Variants in ANK2 observed in about 807,000 individuals in gnomAD.
ANK2 encodes the protein ankyrin-2.
In ANK2, 83 loss-of-function variants were observed where a neutral mutation model predicts 360.5. The observed-to-expected ratio is 0.23, with a 90% CI of 0.19 to 0.28. The LOEUF is 0.28. ANK2 is among the 10% of genes least tolerant of loss of function. ANK2 has a pLI of 1.00. For missense variants in ANK2, 4,201 were observed against 4,795.7 expected, an observed-to-expected ratio of 0.88 and a Z score of 3.66; for synonymous variants, 1,740 against 1,759.5, an observed-to-expected ratio of 0.99 and a Z score of 0.28.
intron 1 of ANK2, among the ~76,000 whole-genome samples, chr4:112,820,920 T>C (rs1375947516): frequency 1.3e-5 from 2 of 152,178 alleles, no homozygotes; most frequent in Non-Finnish European, 2.9e-5. Flanking sequence ...TTTATTTATT[T>C]ATTTTTTTGA....
the ANK2 span, among the ~76,000 whole-genome samples, chr4:112,805,591 T>C: frequency 6.6e-6 from 1 of 151,730 alleles, no homozygotes; most frequent in African/African-American, 2.4e-5. Flanking sequence ...TTTTTTTTTT[T>C]TTTTTTTTAA....
chr4:112,888,398 C>A (rs1036045456), intron 1 of ANK2, among the ~76,000 whole-genome samples: 2 of 152,024 alleles, frequency 1.3e-5, no homozygotes, highest in African/African-American at 4.8e-5. Context: ...ACTACTACAA[C>A]CTTTTAAAAA....
chr4:112,737,003 A>G, the ANK2 span, among the ~76,000 whole-genome samples: 1 of 152,198 alleles, frequency 6.6e-6, no homozygotes, highest in Non-Finnish European at 1.5e-5. Context: ...AAGTCCCTCT[A>G]GTGTTTTTAA....
At chr4:112,837,399 A>T (rs1016293108) in intron 1 of ANK2, among the ~76,000 whole-genome samples, 3 of 152,194 alleles carry the variant, frequency 2.0e-5, no homozygotes, top group African/African-American at 7.2e-5. Context: ...CTCATGGCGA[A>T]CCTCTGCTGG....
chr4:113,244,147 ATAAAT>A (rs2041544702), intron 9 of ANK2, among the ~76,000 whole-genome samples: 2 of 152,328 alleles, frequency 1.3e-5, no homozygotes, highest in East Asian at 3.9e-4. Flanking sequence ...GATACAGCAA[ATAAAT>A]TAAATTTCAT....
At chr4:112,728,310 A>G in the ANK2 span, among the ~76,000 whole-genome samples, 5 of 150,488 alleles carry the variant, frequency 3.3e-5, no homozygotes, top group Admixed American at 6.6e-5. Flanking sequence ...AAAAAAAAAA[A>G]AAAAAAAAAA....
At chr4:113,205,477 C>A in intron 4 of ANK2, among the ~76,000 whole-genome samples, 1 of 151,886 alleles carries the variant, frequency 6.6e-6, no homozygotes, top group East Asian at 1.9e-4. Flanking sequence ...AATTTATTTC[C>A]ATTTTTATTG....
intron 1 of ANK2, chr4:113,117,528 T>A: frequency 2.5e-6 from 1 of 401,506 alleles, no homozygotes; most frequent in African/African-American, 2.1e-5. Flanking sequence ...CCTGCACCAT[T>A]TCTAAGCTCA....
At chr4:112,951,941 GTA>G (rs1472541107) in intron 2 of ANK2, among the ~76,000 whole-genome samples, 1 of 152,222 alleles carries the variant, frequency 6.6e-6, no homozygotes, top group Non-Finnish European at 1.5e-5. Context: ...ACATGGAGCT[GTA>G]TGCCAATTTA....
intron 2 of ANK2, among the ~76,000 whole-genome samples, chr4:112,936,570 T>C (rs1417198438): frequency 6.6e-6 from 1 of 152,160 alleles, no homozygotes; most frequent in Non-Finnish European, 1.5e-5. Flanking sequence ...GGTCTCGAAC[T>C]CCAGACCTCG....
At chr4:113,060,317 T>C (rs889015603) in intron 1 of ANK2, among the ~76,000 whole-genome samples, 8 of 152,144 alleles carry the variant, frequency 5.3e-5, no homozygotes, top group Non-Finnish European at 7.4e-5. Context: ...TTAATATTCA[T>C]TGAGAGATTA....
chr4:113,268,002 C>T (rs188650035), intron 14 of ANK2, among the ~76,000 whole-genome samples: 1 of 152,218 alleles, frequency 6.6e-6, no homozygotes, highest in African/African-American at 2.4e-5. Context: ...ATTTTATTCT[C>T]TTTGTAGCAA....
intron 2 of ANK2, among the ~76,000 whole-genome samples, chr4:112,978,229 G>C (rs940545501): frequency 6.6e-5 from 10 of 151,676 alleles, no homozygotes; most frequent in African/African-American, 2.2e-4. Context: ...GGGTGACAGA[G>C]CAAGACTCTG....
rs570730154 is a variant in ANK2 at position 113,258,123 on chromosome 4, G to A, written c.1262G>A (p.Gly421Glu). The change falls in exon 12 of 46, where the codon GGG (glycine) becomes GAG (glutamate). Residue 421 changes from glycine to glutamate, a missense_variant. Physicochemically the swap from Gly to Glu is moderately conservative, Grantham distance 98. Around this residue, in one of 4 missense-constraint regions of ANK2, gnomAD observed 1,268 missense variants for 1,650.8 expected, o/e 0.77. Coordinates refer to ENST00000357077, the MANE Select transcript of ANK2 (RefSeq NM_001148.6). ...IKVMELLVKY[G>E]ASIQAITESG... ...GTCATGGAACTGCTGGTGAAATATGGGGCTTCAATCCAAGCTATAACAGAG... is the reference window on the plus strand; with the variant it reads ...GTCATGGAACTGCTGGTGAAATATGAGGCTTCAATCCAAGCTATAACAGAG... 6.2e-7 allele frequency: 1 copy of A among 1,614,030 alleles called. No individual in the cohort carries two copies. Among genetic ancestry groups the A allele is most frequent in the Non-Finnish European group, 8.5e-7 (1 of 1,179,902 alleles).
chr4:112,978,748 T>G (rs2042205427), intron 2 of ANK2, among the ~76,000 whole-genome samples: 1 of 152,238 alleles, frequency 6.6e-6, no homozygotes, highest in Admixed American at 6.5e-5. Flanking sequence ...GTTTCCATAC[T>G]GTTAAAGAAT....
At chr4:113,302,131 G>C (rs2075319111) in intron 22 of ANK2, among the ~76,000 whole-genome samples, 1 of 152,192 alleles carries the variant, frequency 6.6e-6, no homozygotes, top group African/African-American at 2.4e-5. Context: ...AACCCAGGCA[G>C]CTAGACTCAG....
chr4:113,118,223 T>A (rs1202566958), intron 1 of ANK2, among the ~76,000 whole-genome samples: 1 of 152,194 alleles, frequency 6.6e-6, no homozygotes, highest in Non-Finnish European at 1.5e-5. Flanking sequence ...AAGAAAGACC[T>A]CTGTAAATGT....
chr4:112,797,249 A>T, the ANK2 span: 3 of 153,738 alleles, frequency 2.0e-5, no homozygotes, highest in Non-Finnish European at 4.4e-5. Context: ...TGTTTACTAT[A>T]AGAACTTTGC....
chr4:112,865,031 C>CAAAAAAAAAAA (rs56149739), intron 1 of ANK2, among the ~76,000 whole-genome samples: 1 of 52,506 alleles, frequency 1.9e-5, no homozygotes, highest in Non-Finnish European at 3.4e-5. Context: ...GACTCCATCT[C>CAAAAAAAAAAA]AAAAAAAAAA....
Sources: allele counts gnomAD v4.1 joint callset (sites outside exome capture counted in the v4.1 genomes callset), GRCh38; gene constraint gnomAD v4.1.1; regional missense constraint gnomAD v4.1.1; transcripts MANE v1.5; gene names NCBI Gene and HGNC (gene_info 2026-07-23, HGNC 2026-07-21).